The following KDM4B variants were observed in gnomAD, a reference collection of about 807,000 sequenced individuals.
KDM4B encodes the protein lysine-specific demethylase 4B.
KDM4B carries 32 observed loss-of-function variants against 125.2 expected under a neutral mutation model. The ratio of observed to expected loss-of-function variants is 0.26; its 90% CI spans 0.19 to 0.34. KDM4B has a LOEUF of 0.34. KDM4B is among the 10% of genes least tolerant of loss of function. KDM4B has a pLI of 1.00. For missense variants in KDM4B, 1,190 were observed against 1,577.7 expected (o/e 0.75, Z 4.16); for synonymous variants, 721 against 677.9 (o/e 1.06, Z -0.99).
chr19:5,034,996 A>T (rs263056), intron 3 of KDM4B, among the ~76,000 whole-genome samples: 1 of 152,114 alleles, frequency 6.6e-6, no homozygotes, highest in Non-Finnish European at 1.5e-5. Flanking sequence ...TGGATTTTTG[A>T]TTGTAACACA....
In KDM4B at chr19:5,041,360, G is replaced by A. The variant is rs116364522; in HGVS notation, c.432+109G>A. The A allele has an allele frequency of 7.4e-5, 57 of 770,804 alleles. No homozygotes were observed. The African/African-American group carries it at 9.6e-4, about 13-fold the overall frequency. The allele number at this position is 770,804 out of a possible 1,614,324, so 47.7% of individuals were successfully genotyped here. ...GCAGATGAAGCTTCCAGGCAGGCAA[G>A]GTTAACCCCCTCGCCCAGGCTCTGG... On this transcript the variant is annotated intron_variant, in intron 5 of 22. Transcript: ENST00000159111.
intron 6 of KDM4B, among the ~76,000 whole-genome samples, chr19:5,051,363 C>T (rs2037218025): frequency 6.6e-6 from 1 of 152,260 alleles, no homozygotes; most frequent in African/African-American, 2.4e-5. Flanking sequence ...TGGGACCTGG[C>T]CGAGGCTTCG....
At chr19:5,054,493 C>T (rs1437457005) in intron 6 of KDM4B, among the ~76,000 whole-genome samples, 5 of 151,840 alleles carry the variant, frequency 3.3e-5, no homozygotes, top group African/African-American at 4.9e-5. Flanking sequence ...TGTGTGTGCG[C>T]GCGCATGCAC....
intron 5 of KDM4B, among the ~76,000 whole-genome samples, chr19:5,043,108 G>T (rs1239489695): frequency 2.6e-5 from 4 of 151,462 alleles, no homozygotes; most frequent in Non-Finnish European, 4.4e-5. Flanking sequence ...CCCTTATCCC[G>T]CACGGCGTTT....
intron 11 of KDM4B, among the ~76,000 whole-genome samples, chr19:5,129,198 G>C (rs1382008202): frequency 6.6e-6 from 1 of 152,198 alleles, no homozygotes; most frequent in African/African-American, 2.4e-5. Context: ...GAGCAGGGAG[G>C]GCAGGGCCGC....
chr19:5,061,777 G>A (rs2037605392), intron 6 of KDM4B, among the ~76,000 whole-genome samples: 2 of 151,440 alleles, frequency 1.3e-5, no homozygotes, highest in Non-Finnish European at 2.9e-5. Context: ...GCTGAGGAGG[G>A]AGTATTGCTT....
At chr19:5,011,927 G>A (rs1002475668) in intron 1 of KDM4B, among the ~76,000 whole-genome samples, 3 of 152,202 alleles carry the variant, frequency 2.0e-5, no homozygotes, top group African/African-American at 7.2e-5. Flanking sequence ...CCCCACCCGC[G>A]GGTCTTGGCG....
At chr19:4,996,024 T>C (rs1036493485) in intron 1 of KDM4B, among the ~76,000 whole-genome samples, 5 of 152,144 alleles carry the variant, frequency 3.3e-5, no homozygotes, top group African/African-American at 1.2e-4. Flanking sequence ...AGTGTCTCGC[T>C]CTGTCGCCCA....
chr19:4,988,638 T>G (rs2034928762), intron 1 of KDM4B, among the ~76,000 whole-genome samples: 1 of 152,218 alleles, frequency 6.6e-6, no homozygotes, highest in African/African-American at 2.4e-5. Flanking sequence ...GAGCTGTTAC[T>G]TACGTTTACC....
rs1462179025 is a variant in KDM4B, at chr19:4,997,241, T to C, written c.-108-19016T>C. 1.3e-5 allele frequency among the ~76,000 whole-genome samples: 2 copies of C among 152,164 alleles called. No individual in the cohort carries two copies. Among genetic ancestry groups the C allele is most frequent in the Non-Finnish European group, 2.9e-5 (2 of 68,038 alleles). On this transcript the variant is annotated intron_variant, in intron 1 of 22. Coordinates refer to ENST00000159111, the MANE Select transcript of KDM4B (RefSeq NM_015015.3). The surrounding 1 kb of genome is among the most constrained non-coding windows in gnomAD (Gnocchi z 4.2). ...ACCTTTTTTCTCAGTTCCTCACTTA[T>C]CTTTAGTTTTATTTTTGGTGCGTTG...
At chr19:5,127,632 C>A (rs1490048597) in intron 11 of KDM4B, among the ~76,000 whole-genome samples, 1 of 152,210 alleles carries the variant, frequency 6.6e-6, no homozygotes, top group African/African-American at 2.4e-5. Context: ...GTCTCCCATG[C>A]CTGGTCCCTC....
chr19:5,112,073 T>C, intron 10 of KDM4B: 1 of 469,544 alleles, frequency 2.1e-6, no homozygotes, highest in Non-Finnish European at 3.9e-6. Context: ...GGCAACATAT[T>C]GAGATGCCAT....
intron 3 of KDM4B, among the ~76,000 whole-genome samples, chr19:5,036,416 C>T (rs1156433849): frequency 6.6e-6 from 1 of 152,224 alleles, no homozygotes; most frequent in Non-Finnish European, 1.5e-5. Flanking sequence ...AGTTGCTGGG[C>T]CCTCCACACG....
chr19:5,123,451 G>GCCACGCTGGGCCTGGCCCA (rs1737430036), intron 11 of KDM4B, among the ~76,000 whole-genome samples: 1 of 152,148 alleles, frequency 6.6e-6, no homozygotes, highest in East Asian at 1.9e-4. Context: ...AAGGACACTG[G>GCCACGCTGGGCCTGGCCCA]CCACGCTGGG....
At chr19:5,097,910 G>A (rs1049562432) in intron 9 of KDM4B, among the ~76,000 whole-genome samples, 4 of 152,214 alleles carry the variant, frequency 2.6e-5, no homozygotes, top group Non-Finnish European at 4.4e-5. Flanking sequence ...CAGCAGAGCC[G>A]TCGTGGACCT....
At chr19:5,040,099 C>T in intron 4 of KDM4B, 88 bp downstream of exon 4, 1 of 1,365,592 alleles carries the variant, frequency 7.3e-7, no homozygotes, top group Non-Finnish European at 9.9e-7. Context: ...AGGTGCGGTA[C>T]ACGCAGCCCC....
rs1359356882 is a variant in KDM4B, at chr19:5,115,035, G to C, written c.1115+4217G>C. Among the ~76,000 whole-genome samples, 1 of 152,224 alleles carries C rather than the reference G, an allele frequency of 6.6e-6. No individual in the cohort carries two copies. Among genetic ancestry groups the C allele is most frequent in the East Asian group, 1.9e-4 (1 of 5,200 alleles). On this transcript the variant is annotated intron_variant, in intron 10 of 22. Coordinates refer to ENST00000159111, the MANE Select transcript of KDM4B (RefSeq NM_015015.3). The surrounding 1 kb of genome is among the most constrained non-coding windows in gnomAD (Gnocchi z 4.2). ...CACCAGAGAGTGAAGTGCAGAGAACGGGAGAGGGGGCAGTGGCAGCTGAGC... is the reference window on the plus strand; with the variant it reads ...CACCAGAGAGTGAAGTGCAGAGAACCGGAGAGGGGGCAGTGGCAGCTGAGC...
At chr19:5,129,650 T>C (rs893436118) in intron 11 of KDM4B, among the ~76,000 whole-genome samples, 3 of 152,244 alleles carry the variant, frequency 2.0e-5, no homozygotes, top group African/African-American at 7.2e-5. Flanking sequence ...CTTCCAGTTT[T>C]AGCACTGAAA....
At chr19:5,063,208 A>G (rs1032557004) in intron 6 of KDM4B, among the ~76,000 whole-genome samples, 2 of 151,946 alleles carry the variant, frequency 1.3e-5, no homozygotes, top group Non-Finnish European at 2.9e-5. Flanking sequence ...TGTCTTTGCA[A>G]CCTTGGAGAT....
Sources: gnomAD v4.1 joint callset for allele counts (sites outside exome capture counted in the v4.1 genomes callset) on GRCh38, gnomAD v4.1.1 for gene constraint, Gnocchi (gnomAD v3.1) non-coding constraint, MANE v1.5 for transcripts, NCBI Gene and HGNC (gene_info 2026-07-23, HGNC 2026-07-21) for gene names.